KCNH7: variants seen among roughly 807,000 people sequenced by gnomAD.
KCNH7 encodes potassium voltage-gated channel subfamily H member 7.
KCNH7 carries 49 observed loss-of-function variants against 120.8 expected under a neutral mutation model. The observed-to-expected ratio is 0.41, with a 90% CI of 0.32 to 0.51. The LOEUF is 0.51. KCNH7 is among the 20% of genes least tolerant of loss of function. KCNH7 has a pLI of 0.38. For synonymous variants in KCNH7, 547 were observed against 516.1 expected, an observed-to-expected ratio of 1.06 and a Z score of -0.81; for missense variants, 1,097 against 1,446.6, an observed-to-expected ratio of 0.76 and a Z score of 3.92.
At chr2:162,401,940 C>G (rs1391405906) in intron 9 of KCNH7, among the ~76,000 whole-genome samples, 1 of 151,802 alleles carries the variant, frequency 6.6e-6, no homozygotes, top group Admixed American at 6.6e-5. Context: ...AATAGTGTGC[C>G]AATTGTTAGA....
intron 3 of KCNH7, among the ~76,000 whole-genome samples, chr2:162,533,472 T>C (rs1270693234): frequency 1.3e-5 from 2 of 151,532 alleles, no homozygotes; most frequent in Non-Finnish European, 3.0e-5. Flanking sequence ...GACTAAAAGA[T>C]GACTTTAAAA....
At chr2:162,532,820 G>A (rs1691970568) in intron 3 of KCNH7, among the ~76,000 whole-genome samples, 1 of 151,876 alleles carries the variant, frequency 6.6e-6, no homozygotes, top group Non-Finnish European at 1.5e-5. Context: ...GGAGGGAGAG[G>A]AGAAGAAAAT....
intron 2 of KCNH7, among the ~76,000 whole-genome samples, chr2:162,586,644 T>A (rs1694030384): frequency 6.6e-6 from 1 of 151,236 alleles, no homozygotes; most frequent in African/African-American, 2.4e-5. Context: ...ATAACTGATA[T>A]AATGATAACG....
At chr2:162,474,866 C>A (rs1416388716) in intron 6 of KCNH7, among the ~76,000 whole-genome samples, 1 of 148,946 alleles carries the variant, frequency 6.7e-6, no homozygotes, top group African/African-American at 2.5e-5. Context: ...TGCACTCTCA[C>A]ACTCTCTCTT....
chr2:162,470,389 C>A (rs564826693), intron 6 of KCNH7, among the ~76,000 whole-genome samples: 32 of 151,146 alleles, frequency 2.1e-4, no homozygotes, highest in Middle Eastern at 6.9e-3. Context: ...AGCGTCTCTG[C>A]CCGGCCGCCC....
At chr2:162,400,788 G>A (rs928367757) in intron 9 of KCNH7, among the ~76,000 whole-genome samples, 10 of 151,984 alleles carry the variant, frequency 6.6e-5, no homozygotes, top group South Asian at 6.2e-4. Context: ...TTAATAAGAC[G>A]TAACTAATGA....
intron 12 of KCNH7, among the ~76,000 whole-genome samples, chr2:162,387,205 C>T (rs2105417920): frequency 6.7e-6 from 1 of 148,820 alleles, no homozygotes; most frequent in Middle Eastern, 3.4e-3. Flanking sequence ...GATACAAACC[C>T]ACTGAAACAG....
chr2:162,565,930 G>A (rs536453401), intron 2 of KCNH7, among the ~76,000 whole-genome samples: 4 of 152,090 alleles, frequency 2.6e-5, no homozygotes, highest in African/African-American at 9.6e-5. Context: ...TGATGACAAA[G>A]GGGTTTTCTG....
chr2:162,756,290 T>C (rs1688787054), intron 2 of KCNH7, among the ~76,000 whole-genome samples: 2 of 152,128 alleles, frequency 1.3e-5, no homozygotes, highest in African/African-American at 4.8e-5. Context: ...CCAATTCTAG[T>C]TAAGGTCATA....
intron 6 of KCNH7, among the ~76,000 whole-genome samples, chr2:162,473,675 T>C (rs1364673060): frequency 6.6e-6 from 1 of 152,170 alleles, no homozygotes; most frequent in African/African-American, 2.4e-5. Flanking sequence ...GCTCTGTGGA[T>C]ACAGAAATAA....
At chr2:162,422,967 T>C (rs1687753244) in intron 9 of KCNH7, among the ~76,000 whole-genome samples, 1 of 152,180 alleles carries the variant, frequency 6.6e-6, no homozygotes, top group Non-Finnish European at 1.5e-5. Flanking sequence ...ATTATTACTG[T>C]TTACTTGCCA....
At chr2:162,567,783 A>T (rs80095730) in intron 2 of KCNH7, among the ~76,000 whole-genome samples, 3,491 of 152,146 alleles carry the variant, frequency 0.023, 129 homozygotes, top group East Asian at 0.18. Flanking sequence ...AATTTATTTT[A>T]AGACCTTAAA....
chr2:162,650,730 C>A (rs988718693), intron 2 of KCNH7, among the ~76,000 whole-genome samples: 1 of 152,162 alleles, frequency 6.6e-6, no homozygotes, highest in Non-Finnish European at 1.5e-5. Context: ...TTGATGTCTG[C>A]CTCCCCTACT....
At chr2:162,610,303 C>T (rs1682923168) in intron 2 of KCNH7, among the ~76,000 whole-genome samples, 1 of 147,320 alleles carries the variant, frequency 6.8e-6, no homozygotes, top group African/African-American at 2.6e-5. Flanking sequence ...TACCACAGTT[C>T]CTTTAGAGAA....
intron 2 of KCNH7, among the ~76,000 whole-genome samples, chr2:162,737,476 T>C (rs973357246): frequency 6.6e-6 from 1 of 152,106 alleles, no homozygotes; most frequent in African/African-American, 2.4e-5. Context: ...GTCAAGGTTC[T>C]GCTATCATTT....
rs7584052 is a variant in KCNH7, at chr2:162,549,752, T to C, written c.308-12672A>G. 5.7e-3 allele frequency among the ~76,000 whole-genome samples: 863 copies of C among 152,350 alleles called. 9 individuals are homozygous for C. Among genetic ancestry groups the C allele is most frequent in the African/African-American group, 0.019 (805 of 41,580 alleles). The stretch of plus-strand genomic sequence containing the variant: ...CTTAATAAGATAAGAATTAATTTCC[T>C]AGATTCATTTTCCTTACTGTTGTTA... On this transcript the variant is annotated intron_variant, in intron 2 of 15. Transcript: ENST00000332142.
At chr2:162,662,049 G>A (rs1282436673) in intron 2 of KCNH7, among the ~76,000 whole-genome samples, 2 of 152,080 alleles carry the variant, frequency 1.3e-5, no homozygotes, top group East Asian at 3.9e-4. Flanking sequence ...GGATCATGAG[G>A]TCATGAGTTC....
intron 2 of KCNH7, among the ~76,000 whole-genome samples, chr2:162,814,807 G>T (rs1684862761): frequency 6.6e-6 from 1 of 152,248 alleles, no homozygotes. Flanking sequence ...TTTGGAGGGG[G>T]TGAGCAGCAG....
chr2:162,436,685 C>T (rs1688249712), intron 7 of KCNH7, among the ~76,000 whole-genome samples: 1 of 152,096 alleles, frequency 6.6e-6, no homozygotes, highest in Non-Finnish European at 1.5e-5. Context: ...GCTTATTTCC[C>T]AAAGCACATC....
Sources: allele counts gnomAD v4.1 joint callset (sites outside exome capture counted in the v4.1 genomes callset), GRCh38; gene constraint gnomAD v4.1.1; transcripts MANE v1.5; gene names NCBI Gene and HGNC (gene_info 2026-07-23, HGNC 2026-07-21).